IMMP2L: variants seen among roughly 807,000 people sequenced by gnomAD.
The protein encoded by IMMP2L is mitochondrial inner membrane protease subunit 2.
IMMP2L carries 18 observed loss-of-function variants against 19.3 expected under a neutral mutation model. The observed-to-expected ratio is 0.93, with a 90% CI of 0.64 to 1.38. The LOEUF is 1.38. IMMP2L is among the 40% of genes most tolerant of loss of function. IMMP2L has a pLI of 0.00. For missense variants in IMMP2L, 233 were observed against 218.2 expected (o/e 1.07, Z -0.43); for synonymous variants, 76 against 73.0 (o/e 1.04, Z -0.21).
chr7:110,975,971 G>T (rs960931329), intron 3 of IMMP2L, among the ~76,000 whole-genome samples: 2 of 151,926 alleles, frequency 1.3e-5, no homozygotes, highest in Admixed American at 6.6e-5. Flanking sequence ...ATGTGAAAAT[G>T]GATTTTTTTT....
intron 3 of IMMP2L, among the ~76,000 whole-genome samples, chr7:111,281,156 C>CAGAAAGAAAGAAAGAA (rs1157660179): frequency 1.5e-5 from 1 of 67,814 alleles, no homozygotes; most frequent in Admixed American, 1.8e-4. Flanking sequence ...GACAGAAAGA[C>CAGAAAGAAAGAAAGAA]AGAAAGAAAG....
Position 110,918,026 on chromosome 7 carries a change from A to G in IMMP2L, c.306-31331T>C, listed in dbSNP as rs147826055. Among the ~76,000 whole-genome samples the G allele has an allele frequency of 8.3e-4, 127 of 152,310 alleles. 1 individual carries two copies. In the Middle Eastern group the frequency reaches 0.017, roughly 20 times the overall value. On this transcript the variant is annotated intron_variant, in intron 4 of 5. Transcript: ENST00000405709. ...TCTCCCACCTTCTACTTCACTTTCA[A>G]TCATCCACTTTACCACCAACAACAG...
intron 4 of IMMP2L, among the ~76,000 whole-genome samples, chr7:110,947,944 T>C (rs1260794556): frequency 6.6e-6 from 1 of 152,178 alleles, no homozygotes; most frequent in African/African-American, 2.4e-5. Flanking sequence ...GTTAATGACT[T>C]GCTGCTCTCC....
At chr7:111,494,000 C>CAA (rs879379701) in intron 2 of IMMP2L, among the ~76,000 whole-genome samples, 3 of 151,090 alleles carry the variant, frequency 2.0e-5, no homozygotes, top group Admixed American at 6.6e-5. Flanking sequence ...GACTCCGTCT[C>CAA]TAAAAAAAAT....
intron 2 of IMMP2L, among the ~76,000 whole-genome samples, chr7:111,490,242 A>G (rs1373870846): frequency 6.6e-6 from 1 of 150,948 alleles, no homozygotes; most frequent in Non-Finnish European, 1.5e-5. Context: ...ACAGGTCTAC[A>G]AGTGCATACC....
chr7:111,283,314 A>C lies in IMMP2L; in HGVS notation c.239+203924T>G, dbSNP rs571754094. The stretch of plus-strand genomic sequence containing the variant: ...GGAGCTAGCAAGGAGCTAAATGTGC[A>C]TATAGAGTTGACACTAATTCTACCT... On this transcript the variant is annotated intron_variant, in intron 3 of 5. Coordinates refer to ENST00000405709, the MANE Select transcript of IMMP2L (RefSeq NM_032549.4). Among the ~76,000 whole-genome samples, 10 of 152,308 alleles carry C rather than the reference A, an allele frequency of 6.6e-5. No homozygotes were observed. The South Asian group carries it at 2.1e-3, about 32-fold the overall frequency.
At chr7:111,384,264 A>T (rs1480152746) in intron 3 of IMMP2L, among the ~76,000 whole-genome samples, 1 of 150,030 alleles carries the variant, frequency 6.7e-6, no homozygotes, top group East Asian at 2.0e-4. Context: ...GAAAGGAGAA[A>T]GGAGAGAGGA....
At chr7:110,770,635 T>C (rs906347423) in intron 5 of IMMP2L, among the ~76,000 whole-genome samples, 2 of 152,146 alleles carry the variant, frequency 1.3e-5, no homozygotes, top group African/African-American at 4.8e-5. Flanking sequence ...AACGTTCCTA[T>C]TGAGCAGATC....
chr7:110,761,623 C>G (rs1798353866), intron 5 of IMMP2L, among the ~76,000 whole-genome samples: 1 of 152,130 alleles, frequency 6.6e-6, no homozygotes, highest in Non-Finnish European at 1.5e-5. Context: ...TTACTGTAGG[C>G]TGGGAACTTA....
At chr7:111,292,866 C>A (rs977360203) in intron 3 of IMMP2L, among the ~76,000 whole-genome samples, 1 of 151,930 alleles carries the variant, frequency 6.6e-6, no homozygotes, top group African/African-American at 2.4e-5. Flanking sequence ...ATTATTTTAT[C>A]TTCTTTATGG....
chr7:111,228,083 G>A (rs767437522), intron 3 of IMMP2L, among the ~76,000 whole-genome samples: 1 of 152,006 alleles, frequency 6.6e-6, no homozygotes, highest in Non-Finnish European at 1.5e-5. Flanking sequence ...ACTTCAGATG[G>A]GCCAACCAAG....
chr7:110,778,863 G>A (rs927923418), intron 5 of IMMP2L, among the ~76,000 whole-genome samples: 8 of 151,854 alleles, frequency 5.3e-5, no homozygotes, highest in Non-Finnish European at 1.0e-4. Context: ...CTGATTTGTA[G>A]TGTCTGCCTA....
At position 111,437,275 on chromosome 7, in the gene IMMP2L, A is replaced by G. The variant is rs1233283068; in HGVS notation, c.239+49963T>C. Among the ~76,000 whole-genome samples the G allele has an allele frequency of 2.6e-5, 4 of 151,772 alleles. No individual in the cohort carries two copies. The East Asian group carries it at 7.8e-4, about 29-fold the overall frequency. On this transcript the variant is annotated intron_variant, in intron 3 of 5. Transcript: ENST00000405709. ...AGCCTGACCAACGTGGAAAAACCCC[A>G]TCTCTACTAAAAATACAAAATTAAC...
chr7:111,181,551 T>C (rs1807709384), intron 3 of IMMP2L, among the ~76,000 whole-genome samples: 1 of 151,942 alleles, frequency 6.6e-6, no homozygotes, highest in South Asian at 2.1e-4. Flanking sequence ...TAGCTACTAG[T>C]TGGAAGCACA....
intron 3 of IMMP2L, among the ~76,000 whole-genome samples, chr7:111,146,247 G>GGGGAGGAAA (rs1208005590): frequency 4.7e-5 from 7 of 149,514 alleles, no homozygotes; most frequent in African/African-American, 1.2e-4. Flanking sequence ...GGGGGAGGGA[G>GGGGAGGAAA]GGGAGGAAAG....
At chr7:111,054,712 G>T (rs920246433) in intron 3 of IMMP2L, among the ~76,000 whole-genome samples, 2 of 152,194 alleles carry the variant, frequency 1.3e-5, no homozygotes, top group Non-Finnish European at 2.9e-5. Context: ...CCCTCTGTTG[G>T]CAAGTGTATT....
chr7:110,765,412 TATC>T (rs1167196835), intron 5 of IMMP2L, among the ~76,000 whole-genome samples: 2 of 152,138 alleles, frequency 1.3e-5, no homozygotes, highest in African/African-American at 4.8e-5. Flanking sequence ...CTGAAGAAGT[TATC>T]ATGACTCTCA....
At chr7:111,517,826 C>G (rs1845998494) in intron 2 of IMMP2L, among the ~76,000 whole-genome samples, 1 of 152,026 alleles carries the variant, frequency 6.6e-6, no homozygotes, top group South Asian at 2.1e-4. Flanking sequence ...AACCTTTCAG[C>G]AACCAGTAAA....
At chr7:111,035,717 T>A (rs924167617) in intron 3 of IMMP2L, among the ~76,000 whole-genome samples, 6 of 152,224 alleles carry the variant, frequency 3.9e-5, no homozygotes, top group African/African-American at 1.4e-4. Context: ...CACATCACGT[T>A]AGATAACAAT....
Sources: gnomAD v4.1 joint callset for allele counts (sites outside exome capture counted in the v4.1 genomes callset) on GRCh38, gnomAD v4.1.1 for gene constraint, MANE v1.5 for transcripts, NCBI Gene and HGNC (gene_info 2026-07-23, HGNC 2026-07-21) for gene names.